MAPK10: variants seen among roughly 807,000 people sequenced by gnomAD.
MAPK10 encodes the protein JNK3 alpha protein kinase.
MAPK10 carries 25 observed loss-of-function variants against 59.3 expected under a neutral mutation model. The ratio of observed to expected loss-of-function variants is 0.42; its 90% CI spans 0.31 to 0.59. The LOEUF (loss-of-function observed/expected upper bound fraction) is 0.59, where lower values mean the gene tolerates loss of function less well. Among genes scored for constraint, MAPK10 ranks in the 20% least tolerant of loss-of-function variants. The pLI is 0.15. For missense variants in MAPK10, 351 were observed against 568.9 expected (o/e 0.62, Z 3.90); for synonymous variants, 190 against 200.5 (o/e 0.95, Z 0.44).
At chr4:86,300,799 C>T (rs1237635407) in intron 2 of MAPK10, 2 of 151,288 alleles carry the variant, frequency 1.3e-5, no homozygotes, top group African/African-American at 4.9e-5. Context: ...TAAGTTCAGA[C>T]ACTGGTAGCA....
At chr4:86,460,702 C>T (rs1169192983) in intron 1 of MAPK10, among the ~76,000 whole-genome samples, 2 of 152,252 alleles carry the variant, frequency 1.3e-5, no homozygotes, top group Non-Finnish European at 2.9e-5. Context: ...CCACTTAAGG[C>T]ATTCTTAAAC....
At chr4:86,561,462 T>C (rs1207621117) in intron 1 of MAPK10, among the ~76,000 whole-genome samples, 3 of 152,252 alleles carry the variant, frequency 2.0e-5, no homozygotes, top group African/African-American at 7.2e-5. Context: ...TTTCATTTCT[T>C]ACTGAGAGCA....
intron 4 of MAPK10, among the ~76,000 whole-genome samples, chr4:86,136,277 GC>G (rs1562168712): frequency 6.6e-6 from 1 of 152,094 alleles, no homozygotes; most frequent in Non-Finnish European, 1.5e-5. Flanking sequence ...GTTAAGGGCA[GC>G]CAGAGAGAAA....
chr4:86,100,906 T>C (rs773817786), intron 8 of MAPK10, 146 bp downstream of exon 8: 16 of 608,978 alleles, frequency 2.6e-5, no homozygotes, highest in Non-Finnish European at 3.9e-5. Context: ...TTCTTACCAG[T>C]AGTATTAAAA....
In MAPK10 at chr4:86,469,658, A is replaced by T. The variant is rs185922529; in HGVS notation, c.-262-115014T>A. ...GTTATTTATATATGCAAACAAATAC[A>T]TGTATGCTTTAATAATTTTTTAAAG... is the stretch of plus-strand genomic sequence containing the variant. On this transcript the variant is annotated intron_variant, in intron 1 of 4. Transcript: ENST00000502302. Among the ~76,000 whole-genome samples, 20 of 152,338 alleles carry T rather than the reference A, an allele frequency of 1.3e-4. 1 individual carries two copies. Among genetic ancestry groups the T allele is most frequent in the African/African-American group, 4.3e-4 (18 of 41,586 alleles).
chr4:86,445,736 T>A (rs1183742409), intron 1 of MAPK10, among the ~76,000 whole-genome samples: 1 of 151,986 alleles, frequency 6.6e-6, no homozygotes, highest in Non-Finnish European at 1.5e-5. Context: ...ATTTAAAGTA[T>A]GTATGTAGAA....
At chr4:86,289,087 T>C (rs2148817264) in intron 2 of MAPK10, among the ~76,000 whole-genome samples, 1 of 151,826 alleles carries the variant, frequency 6.6e-6, no homozygotes, top group South Asian at 2.1e-4. Context: ...TTAGATAGAG[T>C]AGTCAGATAT....
At chr4:86,573,081 G>T (rs1035936161) in intron 1 of MAPK10, among the ~76,000 whole-genome samples, 1 of 152,036 alleles carries the variant, frequency 6.6e-6, no homozygotes, top group South Asian at 2.1e-4. Flanking sequence ...TCTGTGGCTT[G>T]TTTTATTTAT....
chr4:86,087,673 A>G (rs1002564348), intron 9 of MAPK10, among the ~76,000 whole-genome samples: 3 of 152,168 alleles, frequency 2.0e-5, no homozygotes, highest in African/African-American at 4.8e-5. Context: ...AAACAGTGTA[A>G]CTATTTTTAA....
chr4:86,233,702 G>C (rs796368926), intron 2 of MAPK10, among the ~76,000 whole-genome samples: 13 of 152,318 alleles, frequency 8.5e-5, no homozygotes, highest in African/African-American at 2.2e-4. Flanking sequence ...AGACTGTGAG[G>C]AGGTGTTTCT....
At chr4:86,523,824 C>A (rs1260478677) in intron 1 of MAPK10, among the ~76,000 whole-genome samples, 3 of 152,186 alleles carry the variant, frequency 2.0e-5, no homozygotes, top group Non-Finnish European at 4.4e-5. Context: ...CTGGCAAATT[C>A]AAAAATGTTT....
At chr4:86,052,736 C>T (rs1490546019) in intron 11 of MAPK10, among the ~76,000 whole-genome samples, 3 of 152,134 alleles carry the variant, frequency 2.0e-5, no homozygotes, top group Non-Finnish European at 4.4e-5. Flanking sequence ...CCTCTGTCAC[C>T]TAGGCTGGAG....
At chr4:86,205,699 T>A (rs896844010) in intron 2 of MAPK10, among the ~76,000 whole-genome samples, 1 of 151,930 alleles carries the variant, frequency 6.6e-6, no homozygotes, top group African/African-American at 2.4e-5. Context: ...TTTAACACAT[T>A]AAAAAAGAAA....
chr4:86,465,924 A>G (rs974269442), intron 1 of MAPK10, among the ~76,000 whole-genome samples: 1 of 152,200 alleles, frequency 6.6e-6, no homozygotes, highest in Non-Finnish European at 1.5e-5. Flanking sequence ...GGAAAGCGGG[A>G]CAACCAGTCA....
intron 1 of MAPK10, among the ~76,000 whole-genome samples, chr4:86,551,085 G>A (rs931742547): frequency 6.6e-6 from 1 of 152,150 alleles, no homozygotes. Context: ...CACCCATAGT[G>A]CATTACAGAC....
chr4:86,041,938 C>A (rs184238790), intron 11 of MAPK10, among the ~76,000 whole-genome samples: 91 of 152,288 alleles, frequency 6.0e-4, no homozygotes, highest in African/African-American at 2.1e-3. Flanking sequence ...ACCAGAAATA[C>A]CATTTGACCC....
chr4:86,113,904 T>A (rs932013963), intron 4 of MAPK10, among the ~76,000 whole-genome samples: 1 of 152,206 alleles, frequency 6.6e-6, no homozygotes, highest in Non-Finnish European at 1.5e-5. Context: ...AGAAGTTTTG[T>A]TCATTCCTTT....
intron 1 of MAPK10, among the ~76,000 whole-genome samples, chr4:86,411,086 T>C (rs1186175073): frequency 2.0e-5 from 3 of 152,232 alleles, no homozygotes; most frequent in Admixed American, 2.0e-4. Context: ...GTCCCAGAGA[T>C]TCTGGTACAT....
At position 86,318,966 on chromosome 4, in the gene MAPK10, C is replaced by T. The variant is rs551533182; in HGVS notation, c.-7+35564G>A. 5.9e-5 allele frequency among the ~76,000 whole-genome samples: 9 copies of T among 152,184 alleles called. No homozygotes were observed. The South Asian group carries it at 1.0e-3, about 18-fold the overall frequency. On this transcript the variant is annotated intron_variant, in intron 2 of 13. Coordinates refer to ENST00000641462, the MANE Select transcript of MAPK10 (RefSeq NM_138982.4). The stretch of plus-strand genomic sequence containing the variant: ...TCCCTTCCAACTCTAAGTAGAAAGG[C>T]GGAGTTTTCTATGTTTATTGAATCT...
Sources: allele counts gnomAD v4.1 joint callset (sites outside exome capture counted in the v4.1 genomes callset), GRCh38; gene constraint gnomAD v4.1.1; transcripts MANE v1.5; gene names NCBI Gene and HGNC (gene_info 2026-07-23, HGNC 2026-07-21).